Variants in ATRX observed in about 807,000 individuals in gnomAD.
ATRX encodes ATRX chromatin remodeler, also known as chromatin remodeler ATRX.
In ATRX, 12 loss-of-function variants were observed where a neutral mutation model predicts 172.6. The observed-to-expected ratio is 0.07, with a 90% CI of 0.04 to 0.11. The LOEUF (loss-of-function observed/expected upper bound fraction) is 0.11, where lower values mean the gene tolerates loss of function less well. ATRX is among the 10% of genes least tolerant of loss of function. ATRX has a pLI of 1.00. For synonymous variants in ATRX, 674 were observed against 594.7 expected (o/e 1.13, Z -1.94); for missense variants, 1,368 against 1,767.4 (o/e 0.77, Z 4.05).
chrX:77,781,267 C>G (rs1350523441), intron 1 of ATRX, among the ~76,000 whole-genome samples: 2 of 109,813 alleles, frequency 1.8e-5, no homozygotes, highest in Non-Finnish European at 3.8e-5. Flanking sequence ...ACGGTGAAAC[C>G]CTGTCTGTAC....
chrX:77,774,842 C>T (rs2076291916), intron 1 of ATRX, among the ~76,000 whole-genome samples: 1 of 111,219 alleles, frequency 9.0e-6, no homozygotes, highest in Admixed American at 9.6e-5. Flanking sequence ...TTCTGAGTAG[C>T]TGGGACTCCA....
chrX:77,768,613 C>A (rs1173070478), intron 1 of ATRX, among the ~76,000 whole-genome samples: 1 of 111,536 alleles, frequency 9.0e-6, no homozygotes, highest in Non-Finnish European at 1.9e-5. Context: ...TAGAAGAAGA[C>A]ATTAAATCCA....
chrX:77,742,788 C>T (rs2074928579), intron 1 of ATRX, among the ~76,000 whole-genome samples: 2 of 111,697 alleles, frequency 1.8e-5, no homozygotes, highest in South Asian at 7.6e-4. Flanking sequence ...CTCAGTAGAG[C>T]ACCCTGACCC....
intron 1 of ATRX, among the ~76,000 whole-genome samples, chrX:77,774,527 A>G (rs2076280165): frequency 9.0e-6 from 1 of 110,654 alleles, no homozygotes; most frequent in Admixed American, 9.7e-5. Flanking sequence ...AATACAAAAA[A>G]TTAGCTGGGC....
rs2062687043 is a variant in ATRX at position 77,505,270 on chromosome X, A to G, written c.*3081T>C. 5.8e-6 allele frequency: 1 copy of G among 172,773 alleles called. No homozygotes were observed. Among genetic ancestry groups the G allele is most frequent in the African/African-American group, 3.0e-5 (1 of 33,781 alleles). 14.2% of individuals were successfully genotyped at this position (172,773 alleles called of 1,213,427 possible). A position where few individuals can be genotyped will look rare whatever the true frequency, so the allele number is the denominator to read the frequency against. On this transcript the variant is annotated 3_prime_UTR_variant, in exon 35 of 35. Transcript: ENST00000373344. ...TTTGGGGCACATAAATATCGATCTG[A>G]TTTTATGATAATGGAGGGAAAATGA...
At chrX:77,785,956 G>A (rs1557207559) in intron 1 of ATRX, 26 bp downstream of exon 1, 1 of 1,186,379 alleles carries the variant, frequency 8.4e-7, no homozygotes, top group Non-Finnish European at 1.1e-6. Context: ...GACCGCTGGG[G>A]CCCATGAGAC....
chrX:77,537,503 T>C (rs2063791291), intron 30 of ATRX, among the ~76,000 whole-genome samples: 1 of 110,243 alleles, frequency 9.1e-6, no homozygotes, highest in African/African-American at 3.3e-5. Flanking sequence ...CCTTTTCTAA[T>C]AGTGTGAAAG....
intron 19 of ATRX, among the ~76,000 whole-genome samples, chrX:77,631,440 G>C (rs1211159967): frequency 1.8e-5 from 2 of 110,987 alleles, no homozygotes; most frequent in African/African-American, 6.6e-5. Flanking sequence ...GAACAGATGA[G>C]GGACAGGTAA....
At chrX:77,672,857 T>C (rs1448103678) in intron 10 of ATRX, among the ~76,000 whole-genome samples, 3 of 111,903 alleles carry the variant, frequency 2.7e-5, no homozygotes, top group South Asian at 3.6e-4. Flanking sequence ...GGAGAAAGAA[T>C]GCTTATTTAG....
rs1210447127 is a variant in ATRX at position 77,574,335 on chromosome X, T to C, written c.6241A>G (p.Ile2081Val). Residue 2081 changes from isoleucine to valine, a missense_variant, in exon 28 of 35, where the codon ATT becomes GTT. Coordinates refer to ENST00000373344, the MANE Select transcript of ATRX (RefSeq NM_000489.6). ...GAACCATCTAAACGGTAATAGTCAA[T>C]GTTTCGAAGCCACTTCCCCTCACCT... ...YKGEGKWLRN[I>V]DYYRLDGSTT... 8.3e-7 allele frequency: 1 copy of C among 1,202,821 alleles called. No homozygotes were observed. The highest frequency in any genetic ancestry group is 1.8e-5 in the African/African-American group (1 of 57,061).
rs1182831987 is a variant in ATRX at position 77,652,808 on chromosome X, A to G, written c.4318-455T>C. ...GGCGACAGAGCGAGACTCTGTCTCA[A>G]AAAAAAAAAACAACTCTTCAACACC... On this transcript the variant is annotated intron_variant, in intron 14 of 34. Transcript: ENST00000373344. 3.7e-5 allele frequency among the ~76,000 whole-genome samples: 4 copies of G among 107,010 alleles called. No homozygotes were observed. In the East Asian group the frequency reaches 1.2e-3, roughly 31 times the overall value. 92.9% of individuals were successfully genotyped at this position (107,010 alleles called of 115,157 possible).
chrX:77,685,298 G>C (rs900016311), intron 7 of ATRX, among the ~76,000 whole-genome samples: 11 of 111,633 alleles, frequency 9.9e-5, no homozygotes, highest in African/African-American at 3.2e-4. Flanking sequence ...TCTGACAATG[G>C]ATTAATAACC....
intron 15 of ATRX, among the ~76,000 whole-genome samples, chrX:77,645,478 A>G (rs1204138576): frequency 9.0e-6 from 1 of 111,349 alleles, no homozygotes; most frequent in Non-Finnish European, 1.9e-5. Context: ...TATCCTTCAA[A>G]ATAGAGGAAC....
intron 19 of ATRX, among the ~76,000 whole-genome samples, chrX:77,625,361 A>G (rs1244879201): frequency 1.8e-5 from 2 of 112,621 alleles, no homozygotes; most frequent in Non-Finnish European, 3.8e-5. Flanking sequence ...AAGAACCCAA[A>G]AGCAAATGCA....
chrX:77,592,255 A>G (rs1156462790), intron 26 of ATRX, among the ~76,000 whole-genome samples: 1 of 107,335 alleles, frequency 9.3e-6, no homozygotes, highest in Non-Finnish European at 1.9e-5. Context: ...CTATTAAAAA[A>G]ACAAAATTAG....
At chrX:77,706,747 A>T (rs944114674) in intron 2 of ATRX, among the ~76,000 whole-genome samples, 37 of 110,171 alleles carry the variant, frequency 3.4e-4, no homozygotes, top group African/African-American at 8.3e-4. Context: ...AAAATAAAAA[A>T]AAAAAAATAC....
chrX:77,627,507 T>C (rs1557103799), intron 19 of ATRX, among the ~76,000 whole-genome samples: 1 of 110,811 alleles, frequency 9.0e-6, no homozygotes, highest in Non-Finnish European at 1.9e-5. Context: ...GGCAGAAGGA[T>C]TGCTTGAGGC....
At position 77,684,495 on chromosome X, in the gene ATRX, G is replaced by A. The variant is rs2148638504; in HGVS notation, c.761C>T (p.Ser254Phe). The change falls in exon 9 of 35, where the codon TCC becomes TTC. Residue 254 changes from serine to phenylalanine, a missense_variant. Ser to Phe is a radical substitution (Grantham distance 155, BLOSUM62 -2). This residue lies in a region of ATRX where 17 missense variants were observed against 30.3 expected (regional missense o/e 0.56). Coordinates refer to ENST00000373344, the MANE Select transcript of ATRX (RefSeq NM_000489.6). ...TTGGTTGTTTTCATCCATTATTGTGGACAACTCCTTTCGACCAAGGTTGCG... is the reference window on the plus strand; with the variant it reads ...TTGGTTGTTTTCATCCATTATTGTGAACAACTCCTTTCGACCAAGGTTGCG... ...ILRNLGRKEL[S>F]TIMDENNQWY... 1.7e-6 allele frequency: 2 copies of A among 1,210,076 alleles called. No homozygotes were observed. The highest frequency in any genetic ancestry group is 3.0e-5 in the East Asian group (1 of 33,847).
chrX:77,657,165 G>A (rs1171298095), intron 12 of ATRX, among the ~76,000 whole-genome samples: 2 of 111,065 alleles, frequency 1.8e-5, no homozygotes, highest in East Asian at 2.8e-4. Flanking sequence ...CTGTGAGGGC[G>A]TATGGTTATT....
Sources: gnomAD v4.1 joint callset for allele counts (sites outside exome capture counted in the v4.1 genomes callset) on GRCh38, gnomAD v4.1.1 for gene constraint, gnomAD v4.1.1 regional missense constraint, MANE v1.5 for transcripts, NCBI Gene and HGNC (gene_info 2026-07-23, HGNC 2026-07-21) for gene names.